Variants in NRXN3 observed in about 807,000 individuals in gnomAD.
The protein encoded by NRXN3 is neurexin III.
Under a neutral mutation model 137.6 loss-of-function variants are expected in NRXN3, and 32 were observed. That is an observed-to-expected ratio of 0.23 (90% CI 0.18 to 0.31). The LOEUF (loss-of-function observed/expected upper bound fraction) is 0.31. Among genes scored for constraint, NRXN3 ranks in the 10% least tolerant of loss-of-function variants. NRXN3 has a pLI of 1.00. For synonymous variants in NRXN3, 798 were observed against 784.5 expected, an observed-to-expected ratio of 1.02 and a Z score of -0.29; for missense variants, 1,574 against 2,062.5, an observed-to-expected ratio of 0.76 and a Z score of 4.59.
intron 4 of NRXN3, among the ~76,000 whole-genome samples, chr14:78,449,818 A>G (rs2094508008): frequency 6.6e-6 from 1 of 152,240 alleles, no homozygotes; most frequent in South Asian, 2.1e-4. Flanking sequence ...GCTCAAAAGG[A>G]AGATATGACT....
chr14:79,424,934 G>C (rs2095632500), intron 15 of NRXN3, among the ~76,000 whole-genome samples: 1 of 152,058 alleles, frequency 6.6e-6, no homozygotes, highest in South Asian at 2.1e-4. Flanking sequence ...TAAGCTTCAA[G>C]AGCTAAATGA....
intron 15 of NRXN3, among the ~76,000 whole-genome samples, chr14:78,988,813 T>C (rs1387142976): frequency 1.3e-5 from 2 of 152,114 alleles, no homozygotes; most frequent in Non-Finnish European, 2.9e-5. Context: ...GTATTTTCTA[T>C]TTTGTGAGTA....
chr14:78,818,244 A>C (rs1452334073), intron 10 of NRXN3, among the ~76,000 whole-genome samples: 1 of 152,094 alleles, frequency 6.6e-6, no homozygotes, highest in African/African-American at 2.4e-5. Context: ...GTACAGCCTA[A>C]AATTTTTACA....
chr14:79,018,032 G>T (rs2099582257), intron 15 of NRXN3, among the ~76,000 whole-genome samples: 1 of 151,882 alleles, frequency 6.6e-6, no homozygotes, highest in Admixed American at 6.6e-5. Flanking sequence ...GGCTGAGGCG[G>T]GAGGATCACC....
intron 4 of NRXN3, among the ~76,000 whole-genome samples, chr14:78,437,279 G>A (rs916415363): frequency 6.6e-6 from 1 of 152,090 alleles, no homozygotes; most frequent in African/African-American, 2.4e-5. Context: ...CCCACAGGTA[G>A]CCTGATTTCA....
intron 16 of NRXN3, among the ~76,000 whole-genome samples, chr14:79,591,740 G>A (rs1198669456): frequency 1.3e-5 from 2 of 152,100 alleles, no homozygotes; most frequent in African/African-American, 2.4e-5. Context: ...TAAGGATTCA[G>A]TAATAGTAGG....
At chr14:79,560,504 CTTTTTTTTTTTT>C (rs34025659) in intron 16 of NRXN3, among the ~76,000 whole-genome samples, 4 of 43,770 alleles carry the variant, frequency 9.1e-5, no homozygotes, top group African/African-American at 2.4e-4. Context: ...AGATTGTAAG[CTTTTTTTTTTTT>C]TTTTTTTTTT....
At chr14:78,637,636 G>GATA (rs2097578531) in intron 4 of NRXN3, among the ~76,000 whole-genome samples, 1 of 152,316 alleles carries the variant, frequency 6.6e-6, no homozygotes, top group Non-Finnish European at 1.5e-5. Flanking sequence ...CATAGATTTA[G>GATA]ATAAGTTTCA....
At chr14:78,806,901 G>C (rs1162509546) in intron 9 of NRXN3, among the ~76,000 whole-genome samples, 1 of 152,176 alleles carries the variant, frequency 6.6e-6, no homozygotes, top group East Asian at 1.9e-4. Flanking sequence ...AATTTTGTGA[G>C]ATAAATCAAG....
intron 8 of NRXN3, among the ~76,000 whole-genome samples, chr14:78,803,415 C>A (rs1346683823): frequency 6.6e-6 from 1 of 152,126 alleles, no homozygotes; most frequent in Non-Finnish European, 1.5e-5. Flanking sequence ...AATCCCCTTA[C>A]AAATGAGGAA....
chr14:79,610,384 G>T (rs536005838), intron 16 of NRXN3, among the ~76,000 whole-genome samples: 1 of 152,226 alleles, frequency 6.6e-6, no homozygotes, highest in African/African-American at 2.4e-5. Context: ...AAATTTCATG[G>T]TAGTATTTAA....
At chr14:78,529,765 G>A (rs1040331542) in intron 4 of NRXN3, among the ~76,000 whole-genome samples, 2 of 152,142 alleles carry the variant, frequency 1.3e-5, no homozygotes, top group Non-Finnish European at 2.9e-5. Context: ...TATCCCCACT[G>A]TGGCATTTTC....
intron 15 of NRXN3, among the ~76,000 whole-genome samples, chr14:79,123,894 C>T (rs1004003657): frequency 6.6e-6 from 1 of 152,124 alleles, no homozygotes; most frequent in African/African-American, 2.4e-5. Flanking sequence ...TTTTTCTCAC[C>T]CTTAGCACCC....
chr14:78,607,181 C>A (rs957766532), intron 4 of NRXN3, among the ~76,000 whole-genome samples: 8 of 152,106 alleles, frequency 5.3e-5, no homozygotes, highest in African/African-American at 1.4e-4. Flanking sequence ...CTCAGAGGAC[C>A]AAATCATGTC....
intron 4 of NRXN3, among the ~76,000 whole-genome samples, chr14:78,364,447 G>A (rs1406381892): frequency 6.6e-6 from 1 of 152,260 alleles, no homozygotes; most frequent in South Asian, 2.1e-4. Context: ...GGGTTCCTAG[G>A]TGCTAAAACT....
intron 20 of NRXN3, among the ~76,000 whole-genome samples, chr14:79,808,701 C>T (rs1018187593): frequency 6.6e-6 from 1 of 152,132 alleles, no homozygotes; most frequent in Non-Finnish European, 1.5e-5. Context: ...TAATTTACAT[C>T]CATTTGAAGC....
intron 15 of NRXN3, among the ~76,000 whole-genome samples, chr14:79,147,606 A>G (rs753012454): frequency 3.3e-5 from 5 of 152,092 alleles, no homozygotes; most frequent in Non-Finnish European, 7.4e-5. Flanking sequence ...TACCTTTCAA[A>G]CCAAATCAAG....
intron 20 of NRXN3, among the ~76,000 whole-genome samples, chr14:79,859,991 C>G (rs912482789): frequency 1.3e-5 from 2 of 152,156 alleles, no homozygotes; most frequent in African/African-American, 4.8e-5. Context: ...GATCAGTTAT[C>G]CTGCTGACAT....
chr14:78,917,988 G>GAAAAAA (rs71131666), intron 10 of NRXN3, among the ~76,000 whole-genome samples: 3 of 107,486 alleles, frequency 2.8e-5, no homozygotes, highest in Admixed American at 2.0e-4. Context: ...ATAAAAAAAT[G>GAAAAAA]AAAAAAAAAA....
Sources: allele counts gnomAD v4.1 joint callset (sites outside exome capture counted in the v4.1 genomes callset), GRCh38; gene constraint gnomAD v4.1.1; transcripts MANE v1.5; gene names NCBI Gene and HGNC (gene_info 2026-07-23, HGNC 2026-07-21).